Variants in CAST observed in about 807,000 individuals in gnomAD.
The protein encoded by CAST is calpastatin.
In CAST, 76 loss-of-function variants were observed where a neutral mutation model predicts 119.6. That is an observed-to-expected ratio of 0.64 (90% confidence interval 0.53 to 0.77). The LOEUF is 0.77. Among genes scored for constraint, CAST ranks in the 30% least tolerant of loss-of-function variants. CAST has a pLI of 0.00. For synonymous variants in CAST, 319 were observed against 331.6 expected, an observed-to-expected ratio of 0.96 and a Z score of 0.41; for missense variants, 953 against 946.5, an observed-to-expected ratio of 1.01 and a Z score of -0.09.
At chr5:96,747,511 G>A in intron 18 of CAST, 119 bp downstream of exon 18, 1 of 593,778 alleles carries the variant, frequency 1.7e-6, no homozygotes, top group South Asian at 2.4e-5. Flanking sequence ...CTAGTACAGA[G>A]GAAAGGGGAA....
chr5:96,209,972 T>C, the CAST span: 5 of 151,926 alleles, frequency 3.3e-5, no homozygotes, highest in African/African-American at 9.7e-5. Context: ...CAATGAGTCA[T>C]AGATTTGGTC....
chr5:96,469,807 GGAGA>G, the CAST span, among the ~76,000 whole-genome samples: 1 of 145,950 alleles, frequency 6.9e-6, no homozygotes, highest in Non-Finnish European at 1.5e-5. Flanking sequence ...AGAGAGAGAG[GGAGA>G]GAGAGGCAGA....
the CAST span, among the ~76,000 whole-genome samples, chr5:96,471,786 G>T: frequency 2.0e-5 from 3 of 149,526 alleles, no homozygotes; most frequent in Middle Eastern, 3.4e-3. Context: ...GTGTGTGTGT[G>T]TGTGTGTGTG....
At chr5:96,469,253 A>C in the CAST span, among the ~76,000 whole-genome samples, 1 of 152,104 alleles carries the variant, frequency 6.6e-6, no homozygotes, top group Non-Finnish European at 1.5e-5. Flanking sequence ...CCACAAGAGC[A>C]AGTGTTTGTT....
chr5:96,225,618 T>C, the CAST span, among the ~76,000 whole-genome samples: 2 of 152,230 alleles, frequency 1.3e-5, no homozygotes, highest in African/African-American at 4.8e-5. Flanking sequence ...AGTTATCTTA[T>C]ACCCACCTTA....
chr5:96,001,672 C>A, the CAST span, among the ~76,000 whole-genome samples: 1 of 152,130 alleles, frequency 6.6e-6, no homozygotes, highest in Non-Finnish European at 1.5e-5. Context: ...TAAGAGCAAA[C>A]CTACAGTGTA....
At chr5:96,695,684 G>A (rs938043568) in intron 2 of CAST, 152 bp from the exon 3 acceptor site, 6 of 475,922 alleles carry the variant, frequency 1.3e-5, no homozygotes, top group Non-Finnish European at 2.4e-5. Context: ...GCAAAGTAAC[G>A]AAAAATTCAA....
Position 96,747,159 on chromosome 5 carries a change from C to T in CAST, c.1285-186C>T, listed in dbSNP as rs554207784. Among the ~76,000 whole-genome samples, 25 of 152,140 alleles carry T rather than the reference C, an allele frequency of 1.6e-4. 1 individual carries two copies. The highest frequency in any genetic ancestry group is 1.4e-3 in the Admixed American group (22 of 15,272). On this transcript the variant is annotated intron_variant, in intron 17 of 31. Transcript: ENST00000675179. ...ATGTGCATTCTGCTTGGTAACATCT[C>T]GATTTTTATAGCTCAACTCCTTTTT...
chr5:96,373,843 C>T, the CAST span, among the ~76,000 whole-genome samples: 1 of 152,020 alleles, frequency 6.6e-6, no homozygotes, highest in Non-Finnish European at 1.5e-5. Context: ...GCTCCTGGGG[C>T]TCAAGCAATC....
the CAST span, among the ~76,000 whole-genome samples, chr5:96,177,955 A>G: frequency 6.6e-6 from 1 of 152,254 alleles, no homozygotes; most frequent in Admixed American, 6.5e-5. Flanking sequence ...TTCGCTAGAA[A>G]TACTCAATTG....
chr5:96,397,702 A>G, the CAST span, among the ~76,000 whole-genome samples: 1 of 152,208 alleles, frequency 6.6e-6, no homozygotes, highest in Non-Finnish European at 1.5e-5. Context: ...GCCTCAATAA[A>G]TATTGTGGAA....
chr5:96,504,591 C>T, the CAST span, among the ~76,000 whole-genome samples: 64 of 151,434 alleles, frequency 4.2e-4, no homozygotes, highest in African/African-American at 1.4e-3. Context: ...GCCTAAACAA[C>T]GTATTCCTCT....
chr5:96,062,969 A>G, the CAST span, among the ~76,000 whole-genome samples: 1 of 152,096 alleles, frequency 6.6e-6, no homozygotes, highest in Non-Finnish European at 1.5e-5. Context: ...TGCACTGAGT[A>G]TCAGTTGTGG....
chr5:96,490,090 C>T, the CAST span, among the ~76,000 whole-genome samples: 7 of 152,244 alleles, frequency 4.6e-5, no homozygotes, highest in African/African-American at 1.4e-4. Flanking sequence ...AAGCCAACCA[C>T]TGGCAAGGGC....
At chr5:96,533,024 C>CA (rs5869724) in intron 1 of CAST, among the ~76,000 whole-genome samples, 1,760 of 129,788 alleles carry the variant, frequency 0.014, 39 homozygotes, top group African/African-American at 0.047. Context: ...GACCTGGTCT[C>CA]AAAAAAAAAA....
At chr5:96,673,807 T>C (rs1012091818) in intron 1 of CAST, among the ~76,000 whole-genome samples, 1 of 152,244 alleles carries the variant, frequency 6.6e-6, no homozygotes, top group Non-Finnish European at 1.5e-5. Flanking sequence ...TTTTAAAAGA[T>C]TCATTTAATT....
chr5:96,499,029 GA>G, the CAST span, among the ~76,000 whole-genome samples: 5,012 of 109,572 alleles, frequency 0.046, 216 homozygotes, highest in African/African-American at 0.13. Context: ...CATTGTGCAG[GA>G]AAAAAAAAAA....
At chr5:96,729,398 G>T (rs1759993461) in intron 7 of CAST, among the ~76,000 whole-genome samples, 189 bp downstream of exon 7, 1 of 152,216 alleles carries the variant, frequency 6.6e-6, no homozygotes, top group Admixed American at 6.5e-5. Context: ...AATTTTGGGG[G>T]AAGGATTTGC....
the CAST span, among the ~76,000 whole-genome samples, chr5:96,421,056 G>A: frequency 6.6e-6 from 1 of 152,168 alleles, no homozygotes; most frequent in South Asian, 2.1e-4. Flanking sequence ...TGAGAACATC[G>A]GTATGAGCAA....
Sources: allele counts gnomAD v4.1 joint callset (sites outside exome capture counted in the v4.1 genomes callset), GRCh38; gene constraint gnomAD v4.1.1; transcripts MANE v1.5; gene names NCBI Gene and HGNC (gene_info 2026-07-23, HGNC 2026-07-21).